Variants in CSMD1 observed in about 807,000 individuals in gnomAD.
CSMD1 encodes the protein CUB and sushi domain-containing protein 1.
CSMD1 carries 213 observed loss-of-function variants against 417.5 expected under a neutral mutation model. The ratio of observed to expected loss-of-function variants is 0.51; its 90% CI spans 0.46 to 0.57. The LOEUF (loss-of-function observed/expected upper bound fraction) is 0.57, where lower values mean the gene tolerates loss of function less well. Ranked by LOEUF, CSMD1 falls within the 20% of genes least tolerant of loss-of-function variation. The probability of loss-of-function intolerance (pLI) is 0.00; values close to 1 mark genes in which losing one functional copy is unlikely to be tolerated. For synonymous variants in CSMD1, 2,862 were observed against 1,736.8 expected (o/e 1.65, Z -16.11); for missense variants, 6,923 against 4,529.7 (o/e 1.53, Z -15.17).
intron 2 of CSMD1, among the ~76,000 whole-genome samples, chr8:4,518,726 T>C (rs1214784048): frequency 2.0e-5 from 3 of 151,942 alleles, no homozygotes; most frequent in East Asian, 1.9e-4. Context: ...GTAACTAACC[T>C]GCACGTTGTG....
chr8:2,977,102 T>C (rs1408118911), intron 55 of CSMD1, among the ~76,000 whole-genome samples: 2 of 152,116 alleles, frequency 1.3e-5, no homozygotes, highest in Admixed American at 6.5e-5. Flanking sequence ...ACTTTATTCA[T>C]TTATTTTTTA....
At chr8:4,360,857 T>G (rs1319998891) in intron 3 of CSMD1, among the ~76,000 whole-genome samples, 1 of 152,134 alleles carries the variant, frequency 6.6e-6, no homozygotes, top group Non-Finnish European at 1.5e-5. Flanking sequence ...GTCTCCTTTA[T>G]CTATCTTTAA....
intron 5 of CSMD1, among the ~76,000 whole-genome samples, chr8:3,784,384 T>G (rs1057287245): frequency 6.6e-6 from 1 of 152,170 alleles, no homozygotes; most frequent in Admixed American, 6.5e-5. Flanking sequence ...AATCACACGA[T>G]TCTTCAGCCC....
At chr8:3,085,909 C>T (rs75485725) in intron 49 of CSMD1, among the ~76,000 whole-genome samples, 34,778 of 152,072 alleles carry the variant, frequency 0.23, 4,303 homozygotes, top group East Asian at 0.31. Context: ...GGAGAGCACA[C>T]TCTCTTTAGG....
chr8:3,619,921 G>A (rs1232861008), intron 7 of CSMD1, among the ~76,000 whole-genome samples: 1 of 152,100 alleles, frequency 6.6e-6, no homozygotes, highest in Non-Finnish European at 1.5e-5. Flanking sequence ...GGCCAACATA[G>A]TGAAACCCCA....
chr8:3,569,754 A>C (rs1239964500), intron 10 of CSMD1, among the ~76,000 whole-genome samples: 1 of 152,218 alleles, frequency 6.6e-6, no homozygotes, highest in Non-Finnish European at 1.5e-5. Flanking sequence ...ATTATACTTA[A>C]TGGCAATGGC....
intron 12 of CSMD1, among the ~76,000 whole-genome samples, chr8:3,433,250 C>A (rs1406399893): frequency 1.3e-5 from 2 of 152,122 alleles, no homozygotes; most frequent in Non-Finnish European, 2.9e-5. Context: ...TTTTCTGTTT[C>A]TTCAAAATTC....
intron 1 of CSMD1, among the ~76,000 whole-genome samples, chr8:4,793,004 A>G (rs1057242335): frequency 1.3e-4 from 18 of 139,492 alleles, no homozygotes; most frequent in Non-Finnish European, 2.7e-4. Flanking sequence ...ATATATATAT[A>G]TATCTCCACA....
chr8:4,398,108 T>A (rs999896304), intron 3 of CSMD1, among the ~76,000 whole-genome samples: 2 of 152,190 alleles, frequency 1.3e-5, no homozygotes, highest in Admixed American at 6.5e-5. Context: ...CCATCTTTTA[T>A]GTTGCTAATG....
chr8:4,657,610 T>A (rs1804317505), intron 1 of CSMD1, among the ~76,000 whole-genome samples: 1 of 151,208 alleles, frequency 6.6e-6, no homozygotes, highest in Non-Finnish European at 1.5e-5. Flanking sequence ...CCAAGAAGAA[T>A]AAATAAAATT....
At chr8:3,769,093 A>G (rs1209139205) in intron 5 of CSMD1, among the ~76,000 whole-genome samples, 1 of 152,244 alleles carries the variant, frequency 6.6e-6, no homozygotes, top group African/African-American at 2.4e-5. Context: ...GAGCAAACTA[A>G]TTAAAGAGAT....
At chr8:3,908,099 T>G (rs1808229341) in intron 5 of CSMD1, among the ~76,000 whole-genome samples, 1 of 152,182 alleles carries the variant, frequency 6.6e-6, no homozygotes, top group African/African-American at 2.4e-5. Context: ...CTAATGTCTG[T>G]TGAGGCTTTA....
At chr8:4,980,550 T>C (rs1810832152) in intron 1 of CSMD1, among the ~76,000 whole-genome samples, 1 of 152,188 alleles carries the variant, frequency 6.6e-6, no homozygotes. Context: ...ATTGAAATCC[T>C]CTGGACAAAA....
chr8:3,648,118 G>A (rs567487262), intron 7 of CSMD1, among the ~76,000 whole-genome samples: 1 of 152,188 alleles, frequency 6.6e-6, no homozygotes, highest in African/African-American at 2.4e-5. Context: ...CCTAAAAACA[G>A]AACCTACCAC....
chr8:3,981,678 T>G (rs761977662), intron 5 of CSMD1, among the ~76,000 whole-genome samples: 9 of 152,134 alleles, frequency 5.9e-5, no homozygotes, highest in Non-Finnish European at 1.0e-4. Flanking sequence ...TCTTTGACGT[T>G]AATTGTGCCC....
intron 3 of CSMD1, among the ~76,000 whole-genome samples, chr8:4,242,867 T>G (rs912176934): frequency 2.0e-5 from 3 of 152,166 alleles, no homozygotes; most frequent in African/African-American, 7.2e-5. Context: ...GATTAAAGCA[T>G]CAGGATGAAA....
At chr8:3,450,561 GTTTGT>G in intron 12 of CSMD1, among the ~76,000 whole-genome samples, 1 of 146,084 alleles carries the variant, frequency 6.8e-6, no homozygotes. Context: ...AACATGCAGT[GTTTGT>G]TTTTTTTTTG....
intron 37 of CSMD1, among the ~76,000 whole-genome samples, chr8:3,172,328 G>C (rs753740285): frequency 2.0e-5 from 3 of 152,052 alleles, no homozygotes; most frequent in Admixed American, 1.3e-4. Flanking sequence ...TTTGGCTACA[G>C]CGTTTTTTTC....
At position 4,295,903 on chromosome 8, in the gene CSMD1, C is replaced by T. The variant is rs185435304; in HGVS notation, c.415+124050G>A. Reference sequence around the variant, plus strand: ...GCTCTTGTCTTTTCTCCATTGCCTGCTTCACTAATTACTCCCATCTCAGGA... The same window carrying T: ...GCTCTTGTCTTTTCTCCATTGCCTGTTTCACTAATTACTCCCATCTCAGGA... On this transcript the variant is annotated intron_variant, in intron 3 of 69. Coordinates refer to ENST00000635120, the MANE Select transcript of CSMD1 (RefSeq NM_033225.6). Among the ~76,000 whole-genome samples the T allele has an allele frequency of 2.2e-3, 327 of 151,136 alleles. 3 individuals carry two copies. Among genetic ancestry groups the T allele is most frequent in the African/African-American group, 7.5e-3 (310 of 41,214 alleles).
Sources: gnomAD v4.1 joint callset for allele counts (sites outside exome capture counted in the v4.1 genomes callset) on GRCh38, gnomAD v4.1.1 for gene constraint, MANE v1.5 for transcripts, NCBI Gene and HGNC (gene_info 2026-07-23, HGNC 2026-07-21) for gene names.